FRMD4A: variants seen among roughly 807,000 people sequenced by gnomAD.
FRMD4A encodes FERM domain-containing protein 4A.
In FRMD4A, 29 loss-of-function variants were observed where a neutral mutation model predicts 129.1. That is an observed-to-expected ratio of 0.22 (90% CI 0.17 to 0.31). The LOEUF (loss-of-function observed/expected upper bound fraction) is 0.31. FRMD4A is among the 10% of genes least tolerant of loss of function. The pLI is 1.00. For missense variants in FRMD4A, 1,272 were observed against 1,375.8 expected (o/e 0.92, Z 1.19); for synonymous variants, 634 against 571.6 (o/e 1.11, Z -1.56).
At chr10:13,998,473 A>G (rs773961488) in intron 2 of FRMD4A, among the ~76,000 whole-genome samples, 6 of 152,176 alleles carry the variant, frequency 3.9e-5, no homozygotes, top group Non-Finnish European at 5.9e-5. Flanking sequence ...AAGAGAAAAC[A>G]TATGTTTTTA....
At chr10:13,976,307 C>T (rs191444081) in intron 2 of FRMD4A, among the ~76,000 whole-genome samples, 19 of 152,282 alleles carry the variant, frequency 1.2e-4, no homozygotes, top group Admixed American at 1.2e-3. Flanking sequence ...AACTCAGTGG[C>T]TGACCTGGGA....
intron 2 of FRMD4A, among the ~76,000 whole-genome samples, chr10:14,055,908 T>A (rs1056662130): frequency 2.5e-4 from 38 of 152,372 alleles, no homozygotes; most frequent in African/African-American, 9.1e-4. Context: ...CCCGTTGTGC[T>A]ATCAAATAAT....
intron 2 of FRMD4A, among the ~76,000 whole-genome samples, chr10:14,221,727 T>A (rs1431692601): frequency 5.1e-3 from 1 of 198 alleles, no homozygotes; most frequent in African/African-American, 9.8e-3. Context: ...GCCGGGTAAT[T>A]TTTTTTTTTT....
chr10:13,781,404 G>C (rs1480805266), intron 6 of FRMD4A, among the ~76,000 whole-genome samples: 1 of 96,770 alleles, frequency 1.0e-5, no homozygotes, highest in Admixed American at 1.4e-4. Context: ...CTGAGACAGA[G>C]TTTTGCTCTG....
At chr10:13,796,873 C>A (rs1261842487) in intron 4 of FRMD4A, among the ~76,000 whole-genome samples, 1 of 152,110 alleles carries the variant, frequency 6.6e-6, no homozygotes, top group African/African-American at 2.4e-5. Context: ...GCATGAGCCA[C>A]CATGCCCGGC....
At chr10:14,100,207 C>T (rs1235052966) in intron 2 of FRMD4A, among the ~76,000 whole-genome samples, 1 of 152,184 alleles carries the variant, frequency 6.6e-6, no homozygotes, top group Non-Finnish European at 1.5e-5. Context: ...TTTAAAATCA[C>T]TTATCGCATG....
chr10:14,154,267 G>C (rs1840490178), intron 2 of FRMD4A, among the ~76,000 whole-genome samples: 1 of 152,108 alleles, frequency 6.6e-6, no homozygotes, highest in Non-Finnish European at 1.5e-5. Context: ...AGGAGCCAAA[G>C]CTGAAGACGA....
At chr10:14,169,868 AT>A (rs1352597277) in intron 2 of FRMD4A, among the ~76,000 whole-genome samples, 12 of 152,172 alleles carry the variant, frequency 7.9e-5, no homozygotes, top group Non-Finnish European at 1.6e-4. Flanking sequence ...TTTGCAAGTA[AT>A]TGTCAAGCCT....
At position 14,200,036 on chromosome 10, in the gene FRMD4A, T is replaced by A. The variant is rs934798929; in HGVS notation, c.45+130022A>T. ...ATTTATTAATTTGTTTTGTTTTTTT[T>A]TTTTTGGAGACAGGGTCTTGCTGTT... On this transcript the variant is annotated intron_variant, in intron 2 of 24. Coordinates refer to ENST00000357447, the MANE Select transcript of FRMD4A (RefSeq NM_018027.5). Among the ~76,000 whole-genome samples the A allele has an allele frequency of 3.5e-4, 52 of 149,502 alleles. 1 individual carries two copies. Among genetic ancestry groups the A allele is most frequent in the African/African-American group, 1.2e-3 (49 of 41,228 alleles).
At chr10:13,693,442 G>C (rs994466944) in intron 15 of FRMD4A, 2 of 967,588 alleles carry the variant, frequency 2.1e-6, no homozygotes, top group Non-Finnish European at 1.3e-6. Context: ...CGACACGATG[G>C]AGAGAGTATT....
At chr10:13,811,648 G>A (rs2130877056) in intron 3 of FRMD4A, among the ~76,000 whole-genome samples, 1 of 151,920 alleles carries the variant, frequency 6.6e-6, no homozygotes, top group East Asian at 1.9e-4. Context: ...GTAGATGTTT[G>A]TATTGTTAAC....
Position 14,054,964 on chromosome 10 carries a change from C to A in FRMD4A, c.46-196052G>T, listed in dbSNP as rs1347651757. The stretch of plus-strand genomic sequence containing the variant: ...CACATGGAACTGTGAGTCCATTAAA[C>A]CTCTCTCCTTTATAAATTACCCAGT... On this transcript the variant is annotated intron_variant, in intron 2 of 24. Coordinates refer to ENST00000357447, the MANE Select transcript of FRMD4A (RefSeq NM_018027.5). Among the ~76,000 whole-genome samples the A allele has an allele frequency of 7.9e-5, 12 of 152,300 alleles. No individual in the cohort carries two copies. In the East Asian group the frequency reaches 2.1e-3, roughly 27 times the overall value.
chr10:13,951,948 C>G (rs1043457864), intron 2 of FRMD4A, among the ~76,000 whole-genome samples: 33 of 140,016 alleles, frequency 2.4e-4, no homozygotes, highest in Non-Finnish European at 4.0e-4. Context: ...TAAAATTTTA[C>G]AGAGAAGTGG....
intron 2 of FRMD4A, among the ~76,000 whole-genome samples, chr10:13,937,498 A>C (rs1341466177): frequency 4.6e-5 from 7 of 152,134 alleles, no homozygotes; most frequent in Non-Finnish European, 8.8e-5. Flanking sequence ...AAATATGATC[A>C]CCGATAAAGA....
At chr10:13,870,437 G>A (rs1392152015) in intron 2 of FRMD4A, among the ~76,000 whole-genome samples, 2 of 152,266 alleles carry the variant, frequency 1.3e-5, no homozygotes, top group East Asian at 3.9e-4. Context: ...CCCTTGCCGT[G>A]GGGCCTGGCC....
At chr10:13,836,807 G>A (rs928359085) in intron 3 of FRMD4A, among the ~76,000 whole-genome samples, 2 of 146,774 alleles carry the variant, frequency 1.4e-5, no homozygotes, top group Non-Finnish European at 3.0e-5. Context: ...GCCAAGGCTG[G>A]AGTGCAGTGG....
intron 12 of FRMD4A, among the ~76,000 whole-genome samples, chr10:13,733,072 G>A (rs2090418999): frequency 6.6e-6 from 1 of 152,238 alleles, no homozygotes; most frequent in Non-Finnish European, 1.5e-5. Context: ...CTGGCCTGGA[G>A]GCACTGAAGA....
intron 2 of FRMD4A, among the ~76,000 whole-genome samples, chr10:13,933,422 A>C (rs1266939504): frequency 3.9e-5 from 6 of 152,174 alleles, no homozygotes; most frequent in Non-Finnish European, 8.8e-5. Flanking sequence ...CACACTGTGG[A>C]GTATAATTTC....
chr10:13,864,212 T>C lies in FRMD4A; in HGVS notation c.46-5300A>G, dbSNP rs1291738443. ...GGTTTCACCACGTTGGCCAGGCTGG[T>C]CTCGAACTCCTGGCCTCACGTGATC... On this transcript the variant is annotated intron_variant, in intron 2 of 24. Transcript: ENST00000357447. 5.9e-5 allele frequency among the ~76,000 whole-genome samples: 9 copies of C among 151,748 alleles called. No individual in the cohort carries two copies. In the East Asian group the frequency reaches 1.7e-3, roughly 29 times the overall value.
Sources: allele counts gnomAD v4.1 joint callset (sites outside exome capture counted in the v4.1 genomes callset), GRCh38; gene constraint gnomAD v4.1.1; transcripts MANE v1.5; gene names NCBI Gene and HGNC (gene_info 2026-07-23, HGNC 2026-07-21).